The following MRPS9 variants were observed in gnomAD, a reference collection of about 807,000 sequenced individuals.
MRPS9 encodes mitochondrial ribosomal protein S9, also known as small ribosomal subunit protein uS9m.
Under a neutral mutation model 59.9 loss-of-function variants are expected in MRPS9, and 45 were observed. That is an observed-to-expected ratio of 0.75 (90% CI 0.59 to 0.96). The LOEUF (loss-of-function observed/expected upper bound fraction) is 0.96, where lower values mean the gene tolerates loss of function less well. MRPS9 is among the 40% of genes least tolerant of loss of function. The probability of loss-of-function intolerance (pLI) is 0.00; values close to 1 mark genes in which losing one functional copy is unlikely to be tolerated. For synonymous variants in MRPS9, 171 were observed against 166.8 expected (o/e 1.03, Z -0.19); for missense variants, 473 against 481.1 (o/e 0.98, Z 0.16).
chr2:105,070,762 A>G (rs1013684062), intron 2 of MRPS9, among the ~76,000 whole-genome samples: 1 of 152,334 alleles, frequency 6.6e-6, no homozygotes, highest in South Asian at 2.1e-4. Flanking sequence ...GCAGTATGGA[A>G]AAAGGGTGCC....
intron 2 of MRPS9, among the ~76,000 whole-genome samples, chr2:105,067,072 A>G (rs916355594): frequency 6.6e-6 from 1 of 152,144 alleles, no homozygotes; most frequent in African/African-American, 2.4e-5. Context: ...GATCCACTGA[A>G]AACTGCACAT....
chr2:105,049,516 G>A (rs1679671013), intron 2 of MRPS9, among the ~76,000 whole-genome samples, 166 bp downstream of exon 2: 1 of 152,204 alleles, frequency 6.6e-6, no homozygotes, highest in Non-Finnish European at 1.5e-5. Flanking sequence ...AAAGACAAAT[G>A]TGCAGGATTT....
At chr2:105,054,091 T>C (rs965665156) in intron 2 of MRPS9, among the ~76,000 whole-genome samples, 6 of 152,264 alleles carry the variant, frequency 3.9e-5, no homozygotes, top group African/African-American at 1.4e-4. Flanking sequence ...TAGAGATTCC[T>C]TGTGATGTCA....
chr2:105,092,532 G>C lies in MRPS9; in HGVS notation c.783G>C (p.Gln261His). The change falls in exon 8 of 11, where the codon CAG becomes CAC. Residue 261 changes from glutamine to histidine, a missense_variant. Coordinates refer to ENST00000258455, the MANE Select transcript of MRPS9 (RefSeq NM_182640.3). ...AAAAACAGCTGATTGAACCTGTACAGTATGATGAGCAAGGAATGGCCTTTA... is the reference window on the plus strand; with the variant it reads ...AAAAACAGCTGATTGAACCTGTACACTATGATGAGCAAGGAATGGCCTTTA... ...ESKKQLIEPV[Q>H]YDEQGMAFSK... 6.2e-7 allele frequency: 1 copy of C among 1,609,600 alleles called. No homozygotes were observed. Among genetic ancestry groups the C allele is most frequent in the South Asian group, 1.1e-5 (1 of 89,880 alleles).
At chr2:105,079,281 A>G (rs1175747893) in intron 4 of MRPS9, among the ~76,000 whole-genome samples, 1 of 126,614 alleles carries the variant, frequency 7.9e-6, no homozygotes, top group Non-Finnish European at 1.6e-5. Context: ...AACAACAGAG[A>G]TAGTATGCGC....
chr2:105,078,478 C>T (rs576469712), intron 4 of MRPS9, among the ~76,000 whole-genome samples: 4 of 152,074 alleles, frequency 2.6e-5, no homozygotes, highest in African/African-American at 9.6e-5. Context: ...ACTAACCATA[C>T]AGTGAAAATC....
chr2:105,099,432 G>C, intron 10 of MRPS9: 1 of 357,912 alleles, frequency 2.8e-6, no homozygotes. Flanking sequence ...TAATTTAAGG[G>C]AAGCAGGTTT....
chr2:105,084,341 A>G (rs1680408001), intron 5 of MRPS9, among the ~76,000 whole-genome samples: 1 of 151,778 alleles, frequency 6.6e-6, no homozygotes, highest in Non-Finnish European at 1.5e-5. Context: ...CTTGTAACGT[A>G]TGTGTACACA....
intron 2 of MRPS9, among the ~76,000 whole-genome samples, chr2:105,068,256 T>C (rs1680040632): frequency 6.6e-6 from 1 of 152,190 alleles, no homozygotes; most frequent in African/African-American, 2.4e-5. Flanking sequence ...AAGATAATAG[T>C]TTATATTACT....
chr2:105,042,308 C>T (rs1212989531), intron 1 of MRPS9, among the ~76,000 whole-genome samples: 6 of 152,208 alleles, frequency 3.9e-5, no homozygotes, highest in Non-Finnish European at 8.8e-5. Flanking sequence ...TGCAGGCTGT[C>T]GGGCTGAAGG....
chr2:105,066,535 T>G (rs1558755918), intron 2 of MRPS9, among the ~76,000 whole-genome samples: 1 of 152,212 alleles, frequency 6.6e-6, no homozygotes, highest in African/African-American at 2.4e-5. Flanking sequence ...CAACTGTAGG[T>G]TGGAATTCTT....
chr2:105,050,295 A>G (rs1159013146), intron 2 of MRPS9, among the ~76,000 whole-genome samples: 2 of 152,252 alleles, frequency 1.3e-5, no homozygotes, highest in African/African-American at 4.8e-5. Flanking sequence ...ACGCACCACC[A>G]TACCCAGATA....
At chr2:105,050,886 T>C (rs148795687) in intron 2 of MRPS9, among the ~76,000 whole-genome samples, 50 of 152,344 alleles carry the variant, frequency 3.3e-4, no homozygotes, top group Non-Finnish European at 4.9e-4. Context: ...CTTAGCACAA[T>C]GTTTTCATGT....
In MRPS9 at chr2:105,048,065, G is replaced by GTGCATAAATAGCAAAGACTTGGAAATA. The variant is rs879859842; in HGVS notation, c.136-1106_136-1105insTGCATAAATAGCAAAGACTTGGAAATA. On this transcript the variant is annotated intron_variant, in intron 1 of 10. Transcript: ENST00000258455. ...ACACATGCACACGTATGTTTATTGCGGCACTATTCACAATAGCAAAGACTT... is the reference window on the plus strand; with the variant it reads ...ACACATGCACACGTATGTTTATTGCGTGCATAAATAGCAAAGACTTGGAAATAGCACTATTCACAATAGCAAAGACTT... 3.3e-5 allele frequency among the ~76,000 whole-genome samples: 5 copies of GTGCATAAATAGCAAAGACTTGGAAATA among 151,828 alleles called. 1 individual carries two copies. Among genetic ancestry groups the GTGCATAAATAGCAAAGACTTGGAAATA allele is most frequent in the Non-Finnish European group, 7.4e-5 (5 of 67,910 alleles).
intron 1 of MRPS9, among the ~76,000 whole-genome samples, chr2:105,043,135 A>G (rs1679529790): frequency 6.6e-6 from 1 of 152,234 alleles, no homozygotes; most frequent in Admixed American, 6.5e-5. Context: ...TTTCATGTTC[A>G]AATTTCCCTG....
At chr2:105,089,574 A>G (rs1161713922) in intron 6 of MRPS9, among the ~76,000 whole-genome samples, 1 of 152,190 alleles carries the variant, frequency 6.6e-6, no homozygotes, top group Non-Finnish European at 1.5e-5. Context: ...CCTTGCTACC[A>G]CATTAGTCTA....
chr2:105,056,056 A>AT (rs1210155795), intron 2 of MRPS9, among the ~76,000 whole-genome samples: 1 of 152,146 alleles, frequency 6.6e-6, no homozygotes, highest in African/African-American at 2.4e-5. Context: ...AGGGAAACCT[A>AT]TTTTTAAGTG....
rs1158011653 is a variant in MRPS9 at position 105,039,887 on chromosome 2, A to C, written c.135+1660A>C. Among the ~76,000 whole-genome samples the C allele has an allele frequency of 2.0e-5, 3 of 152,192 alleles. No homozygotes were observed. In the East Asian group the frequency reaches 5.8e-4, roughly 29 times the overall value. The stretch of plus-strand genomic sequence containing the variant: ...CATCTCCTTGACCATTCTTGAAACA[A>C]CCTCTTTCCCCCATATGGCAAATGT... On this transcript the variant is annotated intron_variant, in intron 1 of 10. Coordinates refer to ENST00000258455, the MANE Select transcript of MRPS9 (RefSeq NM_182640.3).
At chr2:105,061,520 C>T (rs370972964) in intron 2 of MRPS9, among the ~76,000 whole-genome samples, 31 of 152,268 alleles carry the variant, frequency 2.0e-4, no homozygotes, top group African/African-American at 7.0e-4. Context: ...TTATGCCTGG[C>T]GCTGAAATGC....
Sources: gnomAD v4.1 joint callset for allele counts (sites outside exome capture counted in the v4.1 genomes callset) on GRCh38, gnomAD v4.1.1 for gene constraint, MANE v1.5 for transcripts, NCBI Gene and HGNC (gene_info 2026-07-23, HGNC 2026-07-21) for gene names.